The following COL4A4 variants were observed in gnomAD, a reference collection of about 807,000 sequenced individuals.
COL4A4 encodes collagen type IV alpha 4 chain.
In COL4A4, 105 loss-of-function variants were observed where a neutral mutation model predicts 192.9. That is an observed-to-expected ratio of 0.54 (90% CI 0.46 to 0.64). The LOEUF (loss-of-function observed/expected upper bound fraction) is 0.64. COL4A4 is among the 30% of genes least tolerant of loss of function. The pLI, the probability that COL4A4 is intolerant of heterozygous loss-of-function variation, is 0.00. For missense variants in COL4A4, 1,967 were observed against 2,169.3 expected, an observed-to-expected ratio of 0.91 and a Z score of 1.85; for synonymous variants, 762 against 769.9, an observed-to-expected ratio of 0.99 and a Z score of 0.17.
Position 227,056,113 on chromosome 2 carries a change from C to A in COL4A4, c.2548G>T (p.Ala850Ser). 1 of 1,613,954 alleles carries A rather than the reference C, an allele frequency of 6.2e-7. No individual in the cohort carries two copies. Among genetic ancestry groups the A allele is most frequent in the African/African-American group, 1.3e-5 (1 of 75,010 alleles). The change falls in exon 30 of 48, where the codon GCT becomes TCT. Residue 850 changes from alanine (A) to serine (S), a missense_variant and splice_region_variant. Transcript: ENST00000396625. ...GLPGYPGSPG[A>S]PGGKGQPGDV... ...CCCGGCTGTCCTTTCCCACCTGGAG[C>A]ACCTAAGACAAACCACAGTGACCAC...
chr2:227,091,811 G>T (rs898954084), intron 20 of COL4A4, among the ~76,000 whole-genome samples: 11 of 151,956 alleles, frequency 7.2e-5, no homozygotes, highest in Non-Finnish European at 1.3e-4. Context: ...TAGAAGAATC[G>T]CTTGAACCAG....
Position 227,110,718 on chromosome 2 carries a change from T to C in COL4A4, c.594+960A>G, listed in dbSNP as rs1008510680. Among the ~76,000 whole-genome samples the C allele has an allele frequency of 1.7e-4, 21 of 126,920 alleles. No individual in the cohort carries two copies. In the South Asian group the frequency reaches 5.8e-3, roughly 35 times the overall value. 83.3% of individuals were successfully genotyped at this position (126,920 alleles called of 152,430 possible). A position where few individuals can be genotyped will look rare whatever the true frequency, so the allele number is the denominator to read the frequency against. Reference sequence around the variant, plus strand: ...TTTTTTTTGAGATGGAGTTTCAGTCTTGTTGCCCAGGCTGGAGTGCAATGG... The same window carrying C: ...TTTTTTTTGAGATGGAGTTTCAGTCCTGTTGCCCAGGCTGGAGTGCAATGG... On this transcript the variant is annotated intron_variant, in intron 9 of 47. Transcript: ENST00000396625.
chr2:226,992,951 G>A, the COL4A4 span, among the ~76,000 whole-genome samples: 7 of 152,190 alleles, frequency 4.6e-5, no homozygotes, highest in African/African-American at 9.7e-5. Flanking sequence ...AAGTGGAGAA[G>A]TGTACCTTGA....
chr2:227,008,142 TA>T lies in COL4A4; in HGVS notation c.4684del (p.Tyr1562MetfsTer41), dbSNP rs1962591629. 1 of 1,613,962 alleles carries T rather than the reference TA, an allele frequency of 6.2e-7. No homozygotes were observed. The highest frequency in any genetic ancestry group is 1.1e-5 in the South Asian group (1 of 91,060). On this transcript the variant is annotated frameshift_variant, in exon 47 of 48. Transcript: ENST00000396625. LOFTEE classifies it high-confidence loss of function. ...CTCGCATACCGCACAGCGGCTGACATAGGGGCGGATCGCCTCTTCAGAGAGT... is the reference window on the plus strand; with the variant it reads ...CTCGCATACCGCACAGCGGCTGACATGGGGCGGATCGCCTCTTCAGAGAGT... ...MPLSEEAIRP[Y>X]VSRCAVCEAP...
intron 9 of COL4A4, among the ~76,000 whole-genome samples, chr2:227,110,782 C>T (rs962590192): frequency 1.4e-4 from 21 of 146,640 alleles, no homozygotes; most frequent in African/African-American, 5.0e-4. Context: ...CTTCCGGGTT[C>T]GAGTGATTCC....
chr2:227,092,026 C>T (rs983177442), intron 20 of COL4A4, among the ~76,000 whole-genome samples: 7 of 151,982 alleles, frequency 4.6e-5, no homozygotes, highest in African/African-American at 1.5e-4. Context: ...TGTACCCACA[C>T]TAAGGCAAAT....
intron 44 of COL4A4, among the ~76,000 whole-genome samples, chr2:227,020,880 C>CTTT (rs57119611): frequency 7.8e-6 from 1 of 127,598 alleles, no homozygotes; most frequent in Non-Finnish European, 1.6e-5. Context: ...ACACTTTTTT[C>CTTT]TTTTTTTTTT....
Position 227,111,857 on chromosome 2 carries a change from A to G in COL4A4, c.559-144T>C, listed in dbSNP as rs143773404. On this transcript the variant is annotated intron_variant, in intron 8 of 47. Transcript: ENST00000396625. ...TTTTTGGTGTTGACTAAAATTGAGGAAGGGATATGCGGAGGTGATTTTCCT... is the reference window on the plus strand; with the variant it reads ...TTTTTGGTGTTGACTAAAATTGAGGGAGGGATATGCGGAGGTGATTTTCCT... 6.5e-5 allele frequency: 53 copies of G among 811,730 alleles called. No individual in the cohort carries two copies. The Middle Eastern group carries it at 8.3e-4, about 13-fold the overall frequency. The allele number at this position is 811,730 out of a possible 1,614,324, so 50.3% of individuals were successfully genotyped here. A position where few individuals can be genotyped will look rare whatever the true frequency, so the allele number is the denominator to read the frequency against.
intron 22 of COL4A4, among the ~76,000 whole-genome samples, chr2:227,085,606 G>A (rs1162241442): frequency 1.3e-5 from 2 of 152,150 alleles, no homozygotes; most frequent in Non-Finnish European, 1.5e-5. Flanking sequence ...GGTGAAGTGG[G>A]AAGCCAGTGT....
the COL4A4 span, among the ~76,000 whole-genome samples, chr2:226,972,722 TG>T: frequency 6.6e-6 from 1 of 152,228 alleles, no homozygotes; most frequent in African/African-American, 2.4e-5. Context: ...CGGCACAGAC[TG>T]GTCTCTCGAG....
chr2:227,146,266 A>C (rs2063541225), intron 2 of COL4A4, among the ~76,000 whole-genome samples: 1 of 148,180 alleles, frequency 6.7e-6, no homozygotes, highest in Non-Finnish European at 1.5e-5. Flanking sequence ...TGTAGATATT[A>C]AAAAGTAAGA....
At chr2:226,974,222 C>T in the COL4A4 span, among the ~76,000 whole-genome samples, 1 of 98,332 alleles carries the variant, frequency 1.0e-5, no homozygotes, top group African/African-American at 4.2e-5. Flanking sequence ...GGGTGTTGCC[C>T]TTTTTTTATT....
At chr2:227,038,568 T>C (rs1398394706) in intron 37 of COL4A4, among the ~76,000 whole-genome samples, 1 of 152,156 alleles carries the variant, frequency 6.6e-6, no homozygotes, top group Non-Finnish European at 1.5e-5. Context: ...TTGGTTCCAT[T>C]TGAAATTTAA....
At chr2:227,147,352 A>AGAAC in intron 2 of COL4A4, 61 bp downstream of exon 2, 1 of 1,490,680 alleles carries the variant, frequency 6.7e-7, no homozygotes, top group Non-Finnish European at 9.4e-7. Flanking sequence ...TTACATCCAT[A>AGAAC]GAACAAACAT....
chr2:227,077,247 C>T (rs1252188307), intron 25 of COL4A4, among the ~76,000 whole-genome samples: 2 of 152,104 alleles, frequency 1.3e-5, no homozygotes, highest in Non-Finnish European at 2.9e-5. Context: ...ACCAAATGCC[C>T]ATCAATGATA....
At chr2:227,029,062 G>A (rs1967697061) in intron 41 of COL4A4, among the ~76,000 whole-genome samples, 1 of 152,178 alleles carries the variant, frequency 6.6e-6, no homozygotes, top group Non-Finnish European at 1.5e-5. Context: ...GTCATAAAAG[G>A]TAACTGAGGA....
intron 43 of COL4A4, among the ~76,000 whole-genome samples, chr2:227,022,959 A>T (rs1035118503): frequency 6.6e-6 from 1 of 152,176 alleles, no homozygotes; most frequent in African/African-American, 2.4e-5. Flanking sequence ...AACTCCCACG[A>T]TGATTCCAGT....
chr2:227,007,888 C>T, intron 47 of COL4A4, 130 bp downstream of exon 47: 2 of 1,175,406 alleles, frequency 1.7e-6, no homozygotes, highest in Non-Finnish European at 2.4e-6. Flanking sequence ...CTATGGTTTG[C>T]AACAGTCCCC....
At chr2:227,029,330 C>T (rs911555009) in intron 41 of COL4A4, among the ~76,000 whole-genome samples, 6 of 152,172 alleles carry the variant, frequency 3.9e-5, no homozygotes, top group Non-Finnish European at 8.8e-5. Flanking sequence ...AGTGTTAGCA[C>T]GTCAGTCCAA....
Sources: allele counts gnomAD v4.1 joint callset (sites outside exome capture counted in the v4.1 genomes callset), GRCh38; gene constraint gnomAD v4.1.1; transcripts MANE v1.5; gene names NCBI Gene and HGNC (gene_info 2026-07-23, HGNC 2026-07-21).